NRL: variants seen among roughly 807,000 people sequenced by gnomAD.
NRL encodes the protein neural retina-specific leucine zipper protein.
Under a neutral mutation model 12.5 loss-of-function variants are expected in NRL, and 16 were observed. The observed-to-expected ratio is 1.28, with a 90% confidence interval of 0.87 to 1.95. The LOEUF (loss-of-function observed/expected upper bound fraction) is 1.95, where lower values mean the gene tolerates loss of function less well. Ranked by LOEUF, NRL falls within the 30% of genes most tolerant of loss-of-function variation. The pLI is 0.00. For synonymous variants in NRL, 142 were observed against 150.9 expected (o/e 0.94, Z 0.43); for missense variants, 314 against 325.8 (o/e 0.96, Z 0.28).
At chr14:24,087,056 G>A (rs1473530087) in intron 1 of NRL, among the ~76,000 whole-genome samples, 1 of 152,230 alleles carries the variant, frequency 6.6e-6, no homozygotes, top group African/African-American at 2.4e-5. Flanking sequence ...AAGCCAGTGT[G>A]ACTCCAGGAA....
Position 24,082,775 on chromosome 14 carries a change from C to T in NRL, c.74G>A (p.Arg25Gln), listed in dbSNP as rs774348345. The T allele has an allele frequency of 1.2e-5, 19 of 1,614,056 alleles. No homozygotes were observed. Among genetic ancestry groups the T allele is most frequent in the African/African-American group, 4.0e-5 (3 of 74,924 alleles). ...DFDLMKFEVK[R>Q]EPSEGRPGPP... ...GCCAGGTCGGCCCTCAGAGGGTTCC[C>T]GCTTTACCTCAAACTTCATCAAGTC... The change falls in exon 2 of 3, where the codon CGG becomes CAG. Residue 25 changes from arginine to glutamine, a missense_variant. Coordinates refer to ENST00000561028, the MANE Select transcript of NRL (RefSeq NM_001354768.3).
intron 1 of NRL, chr14:24,102,692 ATGTG>A (rs1323426649): frequency 5.0e-6 from 7 of 1,399,642 alleles, no homozygotes; most frequent in Non-Finnish European, 6.0e-6. Context: ...GTGCCCATGT[ATGTG>A]TGTGTTGGGG....
Position 24,114,773 on chromosome 14 carries a change from C to A in NRL, c.-79G>T. 26 of 985,936 alleles carry A rather than the reference C, an allele frequency of 2.6e-5. No individual in the cohort carries two copies. Among genetic ancestry groups the A allele is most frequent in the Non-Finnish European group, 3.0e-5 (25 of 829,952 alleles). The allele number at this position is 985,936 out of a possible 1,614,324, so 61.1% of individuals were successfully genotyped here. The stretch of plus-strand genomic sequence containing the variant: ...AGTTGGCTGGCCAAGGGGGCGGGGC[C>A]GTCGTGTGACGTTTGCAGCCCGCCG... On this transcript the variant is annotated 5_prime_UTR_variant, in exon 1 of 3. Coordinates refer to ENST00000561028, the MANE Select transcript of NRL (RefSeq NM_001354768.3).
At chr14:24,099,510 C>A (rs2037062643) in intron 1 of NRL, 1 of 1,532,152 alleles carries the variant, frequency 6.5e-7, no homozygotes, top group East Asian at 2.3e-5. Context: ...AGACCATGCC[C>A]TGACTTTTGG....
intron 1 of NRL, chr14:24,103,064 T>G: frequency 2.5e-6 from 3 of 1,219,316 alleles, no homozygotes; most frequent in Non-Finnish European, 3.6e-6. Context: ...ATAGCCGAGG[T>G]CTTAGGAGAG....
chr14:24,082,293 G>A (rs1045536901), intron 2 of NRL, among the ~76,000 whole-genome samples, 175 bp downstream of exon 2: 3 of 152,166 alleles, frequency 2.0e-5, no homozygotes, highest in Non-Finnish European at 4.4e-5. Flanking sequence ...AAGAAAAGGG[G>A]GAGAAGCAGA....
rs1289802512 is a variant in NRL at position 24,094,357 on chromosome 14, C to G, written c.-27-11482G>C. The G allele has an allele frequency of 7.3e-6, 11 of 1,515,566 alleles. No homozygotes were observed. The highest frequency in any genetic ancestry group is 2.8e-5 in the African/African-American group (2 of 71,148). The allele number at this position is 1,515,566 out of a possible 1,614,324, so 93.9% of individuals were successfully genotyped here. Reference sequence around the variant, plus strand: ...CCTCCTTCCCCGCCTTCCATACCTCCCCGGCTCCGCTCGGTTCCTGGCCAC... The same window carrying G: ...CCTCCTTCCCCGCCTTCCATACCTCGCCGGCTCCGCTCGGTTCCTGGCCAC... On this transcript the variant is annotated intron_variant, in intron 1 of 2. Coordinates refer to ENST00000561028, the MANE Select transcript of NRL (RefSeq NM_001354768.3). The surrounding 1 kb of genome is among the most constrained non-coding windows in gnomAD (Gnocchi z 4.1).
chr14:24,099,094 T>C (rs1039218637), intron 1 of NRL: 6 of 1,611,196 alleles, frequency 3.7e-6, no homozygotes, highest in Admixed American at 1.7e-5. Flanking sequence ...AAAACCCTGA[T>C]TGGCCACGTG....
chr14:24,080,678 G>A lies in NRL; in HGVS notation c.*558C>T, dbSNP rs114327952. On this transcript the variant is annotated 3_prime_UTR_variant, in exon 3 of 3. Transcript: ENST00000561028. The stretch of plus-strand genomic sequence containing the variant: ...AACAACCCCCAGAGCTCACTCTTCA[G>A]GCCTTTGCTGCTCTGAGCCCTGAAG... The A allele has an allele frequency of 7.0e-3, 1,071 of 152,698 alleles. 6 individuals carry two copies. Among genetic ancestry groups the A allele is most frequent in the African/African-American group, 0.019 (785 of 41,532 alleles). 9.5% of individuals were successfully genotyped at this position (152,698 alleles called of 1,614,324 possible). A position where few individuals can be genotyped will look rare whatever the true frequency, so the allele number is the denominator to read the frequency against.
In NRL at chr14:24,105,552, G is replaced by T. The variant is rs182359656; in HGVS notation, c.-28+9170C>A. On this transcript the variant is annotated intron_variant, in intron 1 of 2. Transcript: ENST00000561028. ...ACAGTTAGTAAACAATAGAGCTAAG[G>T]GTTAAAGTGATAAAACTGCAAAGAC... Among the ~76,000 whole-genome samples the T allele has an allele frequency of 3.9e-5, 6 of 152,330 alleles. No homozygotes were observed. The East Asian group carries it at 1.2e-3, about 29-fold the overall frequency.
chr14:24,099,997 C>G lies in NRL; in HGVS notation c.-28+14725G>C, dbSNP rs373164648. The G allele has an allele frequency of 3.7e-6, 6 of 1,614,090 alleles. No homozygotes were observed. The Admixed American group carries it at 1.0e-4, about 27-fold the overall frequency. The stretch of plus-strand genomic sequence containing the variant: ...CTTTCTTTCACTTCTCCTAACAGGT[C>G]GACTCCGGGCCATCAACCCTGAGAA... On this transcript the variant is annotated intron_variant, in intron 1 of 2. Coordinates refer to ENST00000561028, the MANE Select transcript of NRL (RefSeq NM_001354768.3).
chr14:24,094,377 G>A lies in NRL; in HGVS notation c.-27-11502C>T. Reference sequence around the variant, plus strand: ...ACCTCCCCGGCTCCGCTCGGTTCCTGGCCACCCCGCAGCCCCTGCCCAGGT... The same window carrying A: ...ACCTCCCCGGCTCCGCTCGGTTCCTAGCCACCCCGCAGCCCCTGCCCAGGT... On this transcript the variant is annotated intron_variant, in intron 1 of 2. Transcript: ENST00000561028. This position sits in a 1 kb window ranked among gnomAD's most constrained non-coding sequence, Gnocchi z 4.1. 1.3e-6 allele frequency: 2 copies of A among 1,543,136 alleles called. No homozygotes were observed. The highest frequency in any genetic ancestry group is 1.7e-6 in the Non-Finnish European group (2 of 1,147,436).
chr14:24,093,988 A>C, intron 1 of NRL: 1 of 501,260 alleles, frequency 2.0e-6, no homozygotes, highest in Non-Finnish European at 3.5e-6. Flanking sequence ...CCTCGTTCCT[A>C]GCTTGTTTGC....
intron 2 of NRL, 151 bp downstream of exon 2, chr14:24,082,317 G>T (rs976225593): frequency 8.1e-6 from 8 of 981,910 alleles, no homozygotes; most frequent in Middle Eastern, 3.3e-4. Context: ...TAGTTTTCTC[G>T]ATCTGATTGC....
intron 1 of NRL, among the ~76,000 whole-genome samples, chr14:24,086,813 C>T (rs567535274): frequency 6.6e-5 from 10 of 152,264 alleles, no homozygotes; most frequent in South Asian, 2.1e-4. Context: ...CAAGCTCAGG[C>T]GAGTTGAGCT....
chr14:24,088,803 A>ATTTT (rs756699961), intron 1 of NRL, among the ~76,000 whole-genome samples: 1 of 106,428 alleles, frequency 9.4e-6, no homozygotes, highest in East Asian at 2.8e-4. Flanking sequence ...TGCCTGGCTA[A>ATTTT]TTTTTTTTTT....
In NRL at chr14:24,081,376, C is replaced by T. The variant is rs1040368886; in HGVS notation, c.574G>A (p.Ala192Thr). Residue 192 changes from alanine to threonine, a missense_variant, in exon 3 of 3, where the codon GCC (alanine) becomes ACC (threonine). Physicochemically the swap from Ala to Thr is moderately conservative, Grantham distance 58. Transcript: ENST00000561028. The surrounding 1 kb of genome is among the most constrained non-coding windows in gnomAD (Gnocchi z 4.4). ...QQRRGLEAER[A>T]RLAAQLDALR... ...GCGTCCAGCTGGGCGGCCAGGCGGG[C>T]GCGCTCGGCCTCCAGCCCGCGCCGC... 1 of 1,426,756 alleles carries T rather than the reference C, an allele frequency of 7.0e-7. No individual in the cohort carries two copies. Among genetic ancestry groups the T allele is most frequent in the Non-Finnish European group, 9.1e-7 (1 of 1,093,786 alleles). The allele number at this position is 1,426,756 out of a possible 1,614,324, so 88.4% of individuals were successfully genotyped here. A position where few individuals can be genotyped will look rare whatever the true frequency, so the allele number is the denominator to read the frequency against.
At position 24,094,670 on chromosome 14, in the gene NRL, A is replaced by G; in HGVS notation, c.-27-11795T>C. On this transcript the variant is annotated intron_variant, in intron 1 of 2. Transcript: ENST00000561028. This position sits in a 1 kb window ranked among gnomAD's most constrained non-coding sequence, Gnocchi z 4.1. Reference sequence around the variant, plus strand: ...CCCTTCTCTGCCTCGCTCGCCTCTGACCGCGCGATCTCTATCTGCCACTCT... The same window carrying G: ...CCCTTCTCTGCCTCGCTCGCCTCTGGCCGCGCGATCTCTATCTGCCACTCT... The G allele has an allele frequency of 6.6e-7, 1 of 1,514,692 alleles. No individual in the cohort carries two copies. Among genetic ancestry groups the G allele is most frequent in the Non-Finnish European group, 8.8e-7 (1 of 1,133,906 alleles). 93.8% of individuals were successfully genotyped at this position (1,514,692 alleles called of 1,614,324 possible).
intron 1 of NRL, chr14:24,103,759 T>A (rs776147431): frequency 6.2e-7 from 1 of 1,614,140 alleles, no homozygotes; most frequent in East Asian, 2.2e-5. Flanking sequence ...GAGACACCCA[T>A]TGGGCTGGTG....
Sources: gnomAD v4.1 joint callset for allele counts (sites outside exome capture counted in the v4.1 genomes callset) on GRCh38, gnomAD v4.1.1 for gene constraint, Gnocchi (gnomAD v3.1) non-coding constraint, MANE v1.5 for transcripts, NCBI Gene and HGNC (gene_info 2026-07-23, HGNC 2026-07-21) for gene names.